UBE2E2: variants seen among roughly 807,000 people sequenced by gnomAD.
UBE2E2 encodes ubiquitin-conjugating enzyme E2 E2.
UBE2E2 carries 6 observed loss-of-function variants against 24.7 expected under a neutral mutation model. That is an observed-to-expected ratio of 0.24 (90% CI 0.13 to 0.48). UBE2E2 has a LOEUF of 0.48. UBE2E2 is among the 20% of genes least tolerant of loss of function. UBE2E2 has a pLI of 0.99. For synonymous variants in UBE2E2, 104 were observed against 83.6 expected (o/e 1.24, Z -1.33); for missense variants, 169 against 245.0 (o/e 0.69, Z 2.07).
chr3:23,546,321 T>G (rs1267084248), intron 5 of UBE2E2, among the ~76,000 whole-genome samples: 2 of 152,128 alleles, frequency 1.3e-5, no homozygotes, highest in Non-Finnish European at 2.9e-5. Context: ...TTCTTGTTGT[T>G]TAGAGAAACA....
Position 23,381,989 on chromosome 3 carries a change from C to T in UBE2E2, c.228-117619C>T, listed in dbSNP as rs542241445. Among the ~76,000 whole-genome samples the T allele has an allele frequency of 1.6e-4, 25 of 152,254 alleles. No individual in the cohort carries two copies. In the East Asian group the frequency reaches 4.4e-3, roughly 27 times the overall value. ...TCTTCATGATCTAAAGATTCTTCTC[C>T]ATTCCCCCGCTACTTTCCCATCCAG... On this transcript the variant is annotated intron_variant, in intron 3 of 5. Transcript: ENST00000396703.
intron 3 of UBE2E2, among the ~76,000 whole-genome samples, chr3:23,224,802 C>G (rs1696773348): frequency 6.6e-6 from 1 of 151,894 alleles, no homozygotes; most frequent in African/African-American, 2.4e-5. Context: ...CTGTTATGAA[C>G]ATTTATGTAC....
rs564120547 is a variant in UBE2E2 at position 23,417,553 on chromosome 3, C to T, written c.228-82055C>T. 3.3e-5 allele frequency among the ~76,000 whole-genome samples: 5 copies of T among 152,302 alleles called. No homozygotes were observed. In the South Asian group the frequency reaches 1.0e-3, roughly 32 times the overall value. Reference sequence around the variant, plus strand: ...TGGGTCAGGGACCCACTTGAGGAGGCGGTCTGTCCCTTAGCAGAGCTCGAG... The same window carrying T: ...TGGGTCAGGGACCCACTTGAGGAGGTGGTCTGTCCCTTAGCAGAGCTCGAG... On this transcript the variant is annotated intron_variant, in intron 3 of 5. Coordinates refer to ENST00000396703, the MANE Select transcript of UBE2E2 (RefSeq NM_152653.4).
At chr3:23,300,942 T>G (rs538826015) in intron 3 of UBE2E2, among the ~76,000 whole-genome samples, 1 of 152,346 alleles carries the variant, frequency 6.6e-6, no homozygotes, top group Admixed American at 6.5e-5. Flanking sequence ...AGATTTGGTC[T>G]TTTCACATAG....
chr3:23,384,551 A>G (rs1255754669), intron 3 of UBE2E2, among the ~76,000 whole-genome samples: 1 of 151,812 alleles, frequency 6.6e-6, no homozygotes, highest in Non-Finnish European at 1.5e-5. Flanking sequence ...ATTCTTATTT[A>G]TTTATTTTTG....
chr3:23,495,331 A>G (rs1699578548), intron 3 of UBE2E2, among the ~76,000 whole-genome samples: 1 of 152,174 alleles, frequency 6.6e-6, no homozygotes, highest in Non-Finnish European at 1.5e-5. Context: ...TTGGTGAGAT[A>G]CTGCTGTCTT....
chr3:23,552,905 G>T (rs1481504812), intron 5 of UBE2E2, among the ~76,000 whole-genome samples: 2 of 152,178 alleles, frequency 1.3e-5, no homozygotes, highest in South Asian at 2.1e-4. Context: ...ACCAACATGT[G>T]TATAGCAAAA....
intron 3 of UBE2E2, among the ~76,000 whole-genome samples, chr3:23,461,693 A>G (rs1173731469): frequency 1.3e-5 from 2 of 152,156 alleles, no homozygotes; most frequent in East Asian, 1.9e-4. Flanking sequence ...ACAAAAGCTC[A>G]TGTTTTTTCA....
chr3:23,276,382 A>G (rs1009062768), intron 3 of UBE2E2, among the ~76,000 whole-genome samples: 6 of 152,194 alleles, frequency 3.9e-5, no homozygotes, highest in Admixed American at 2.0e-4. Context: ...TAAGTTAAAC[A>G]TTTTTGACTG....
chr3:23,441,555 G>A (rs199973407), intron 3 of UBE2E2, among the ~76,000 whole-genome samples: 1,194 of 93,314 alleles, frequency 0.013, 2 homozygotes, highest in East Asian at 0.021. Context: ...AAAAAAAAAA[G>A]AATTGGGTAA....
rs377531895 is a variant in UBE2E2, at chr3:23,297,554, T to G, written c.227+80242T>G. On this transcript the variant is annotated intron_variant, in intron 3 of 5. Coordinates refer to ENST00000396703, the MANE Select transcript of UBE2E2 (RefSeq NM_152653.4). ...GGTAGCCAGTTTTCCCAGCACCATTTATTAAATAGGGAATCCTTTCCCCAT... is the reference window on the plus strand; with the variant it reads ...GGTAGCCAGTTTTCCCAGCACCATTGATTAAATAGGGAATCCTTTCCCCAT... 3.8e-4 allele frequency among the ~76,000 whole-genome samples: 58 copies of G among 152,250 alleles called. 1 individual carries two copies. The highest frequency in any genetic ancestry group is 2.4e-3 in the Admixed American group (37 of 15,294).
At chr3:23,580,726 T>C (rs1696457122) in intron 5 of UBE2E2, among the ~76,000 whole-genome samples, 1 of 152,216 alleles carries the variant, frequency 6.6e-6, no homozygotes, top group Non-Finnish European at 1.5e-5. Flanking sequence ...AGGGAGGCTA[T>C]GCTTGAACTA....
rs1297034196 is a variant in UBE2E2 at position 23,384,080 on chromosome 3, T to TA, written c.228-115525dup. On this transcript the variant is annotated intron_variant, in intron 3 of 5. Transcript: ENST00000396703. ...ATGCAACCATAGCTCACTGTAACCT[T>TA]AAACTCCTGGGCTCAAGCAATCCTT... Among the ~76,000 whole-genome samples the TA allele has an allele frequency of 3.9e-5, 6 of 152,186 alleles. No individual in the cohort carries two copies. In the South Asian group the frequency reaches 1.2e-3, roughly 31 times the overall value.
At chr3:23,432,189 A>G (rs1698077601) in intron 3 of UBE2E2, among the ~76,000 whole-genome samples, 1 of 152,184 alleles carries the variant, frequency 6.6e-6, no homozygotes, top group Non-Finnish European at 1.5e-5. Flanking sequence ...TGTAGAGAAA[A>G]GAAGCAACAG....
chr3:23,291,849 AT>A (rs57708620), intron 3 of UBE2E2, among the ~76,000 whole-genome samples: 7,246 of 63,404 alleles, frequency 0.11, 116 homozygotes, highest in South Asian at 0.16. Flanking sequence ...TGCCCGGCTA[AT>A]TTTTTTTTTT....
intron 3 of UBE2E2, among the ~76,000 whole-genome samples, chr3:23,370,486 G>A (rs1230527274): frequency 1.3e-5 from 2 of 152,166 alleles, no homozygotes; most frequent in African/African-American, 4.8e-5. Flanking sequence ...AAGAGGGAAT[G>A]CCCTGTTGTT....
At chr3:23,571,280 C>CTTTCTTTCTTTTTTTTTT (rs1696218039) in intron 5 of UBE2E2, among the ~76,000 whole-genome samples, 1 of 29,866 alleles carries the variant, frequency 3.3e-5, no homozygotes, top group African/African-American at 1.0e-4. Context: ...GTGCTCCTTT[C>CTTTCTTTCTTTTTTTTTT]TTTTTTTTTT....
chr3:23,281,252 A>T (rs1347749513), intron 3 of UBE2E2, among the ~76,000 whole-genome samples: 1 of 152,244 alleles, frequency 6.6e-6, no homozygotes, highest in Non-Finnish European at 1.5e-5. Flanking sequence ...TGTTTTAGAT[A>T]TAACTACTTA....
upstream of UBE2E2, chr3:23,203,235 G>C (rs1340998130): frequency 3.0e-6 from 3 of 988,454 alleles, no homozygotes; most frequent in Non-Finnish European, 3.6e-6. Context: ...TGGAACGGCC[G>C]GGGGCGGCGG....
Sources: allele counts gnomAD v4.1 joint callset (sites outside exome capture counted in the v4.1 genomes callset), GRCh38; gene constraint gnomAD v4.1.1; transcripts MANE v1.5; gene names NCBI Gene and HGNC (gene_info 2026-07-23, HGNC 2026-07-21).